Variants in ITGB3BP observed in about 807,000 individuals in gnomAD.
The protein encoded by ITGB3BP is centromere protein R.
Under a neutral mutation model 29.1 loss-of-function variants are expected in ITGB3BP, and 27 were observed. The ratio of observed to expected loss-of-function variants is 0.93; its 90% confidence interval spans 0.68 to 1.28. The LOEUF (loss-of-function observed/expected upper bound fraction) is 1.28, where lower values mean the gene tolerates loss of function less well. ITGB3BP is among the 50% of genes most tolerant of loss of function. ITGB3BP has a pLI of 0.00. For synonymous variants in ITGB3BP, 61 were observed against 61.4 expected, an observed-to-expected ratio of 0.99 and a Z score of 0.03; for missense variants, 192 against 200.2, an observed-to-expected ratio of 0.96 and a Z score of 0.25.
intron 8 of ITGB3BP, among the ~76,000 whole-genome samples, chr1:63,442,115 A>G (rs1035960685): frequency 6.6e-6 from 1 of 152,102 alleles, no homozygotes; most frequent in Non-Finnish European, 1.5e-5. Context: ...ACAAACAGAT[A>G]ATCCCATCCT....
Position 63,512,642 on chromosome 1 carries a change from A to G in ITGB3BP, c.6-4072T>C, listed in dbSNP as rs184948738. Among the ~76,000 whole-genome samples, 165 of 152,304 alleles carry G rather than the reference A, an allele frequency of 1.1e-3. 1 individual carries two copies. Among genetic ancestry groups the G allele is most frequent in the African/African-American group, 3.8e-3 (157 of 41,590 alleles). Reference sequence around the variant, plus strand: ...ATTCTTCCCTAAGGTTGGGCAAATCACATAATCTCACTAAGCTTCATAAAG... The same window carrying G: ...ATTCTTCCCTAAGGTTGGGCAAATCGCATAATCTCACTAAGCTTCATAAAG... On this transcript the variant is annotated intron_variant, in intron 1 of 8. Transcript: ENST00000271002.
chr1:63,502,273 C>A (rs192463122), intron 2 of ITGB3BP, among the ~76,000 whole-genome samples: 3 of 152,222 alleles, frequency 2.0e-5, no homozygotes, highest in Non-Finnish European at 4.4e-5. Flanking sequence ...CTTACAACAC[C>A]CAACAATTTG....
At chr1:63,475,795 C>G (rs1485840018) in intron 4 of ITGB3BP, among the ~76,000 whole-genome samples, 1 of 151,676 alleles carries the variant, frequency 6.6e-6, no homozygotes, top group African/African-American at 2.4e-5. Context: ...GTCAGGAGTT[C>G]GAGACTAGTC....
chr1:63,528,422 T>C (rs1369408159), intron 2 of ITGB3BP, among the ~76,000 whole-genome samples: 1 of 152,030 alleles, frequency 6.6e-6, no homozygotes, highest in Non-Finnish European at 1.5e-5. Context: ...AAATGATGGT[T>C]ACCAGAGGCT....
At chr1:63,501,700 T>C (rs935755384) in intron 2 of ITGB3BP, among the ~76,000 whole-genome samples, 3 of 150,866 alleles carry the variant, frequency 2.0e-5, no homozygotes, top group Non-Finnish European at 3.0e-5. Context: ...AAAAAAAAAA[T>C]AGATACAAAA....
At chr1:63,478,364 G>C (rs1285255350) in intron 4 of ITGB3BP, among the ~76,000 whole-genome samples, 2 of 152,190 alleles carry the variant, frequency 1.3e-5, no homozygotes, top group Admixed American at 1.3e-4. Context: ...AGGCCTTCCA[G>C]GTTCCTCTAG....
At chr1:63,509,983 A>G (rs545737196) in intron 1 of ITGB3BP, 100 of 428,662 alleles carry the variant, frequency 2.3e-4, no homozygotes, top group African/African-American at 1.9e-3. Flanking sequence ...ACCTGACGTC[A>G]GGAGTTCGAG....
upstream of ITGB3BP, chr1:63,523,231 G>A: frequency 6.4e-7 from 1 of 1,553,342 alleles, no homozygotes; most frequent in Non-Finnish European, 8.9e-7. Context: ...GGCATGAAAA[G>A]CGCGCGCTGG....
chr1:63,467,537 A>C lies in ITGB3BP; in HGVS notation c.254+11227T>G, dbSNP rs1479488388. 2.0e-5 allele frequency among the ~76,000 whole-genome samples: 3 copies of C among 151,430 alleles called. No homozygotes were observed. In the East Asian group the frequency reaches 5.9e-4, roughly 30 times the overall value. On this transcript the variant is annotated intron_variant, in intron 4 of 8. Transcript: ENST00000271002. ...TGCTTGCTTGCTGATTGATTGATTG[A>C]TTGATTGATTGAATGTAGAGATGGA...
intron 4 of ITGB3BP, among the ~76,000 whole-genome samples, chr1:63,461,475 G>A (rs1645018014): frequency 6.6e-6 from 1 of 151,996 alleles, no homozygotes; most frequent in African/African-American, 2.4e-5. Flanking sequence ...TTTTGATAAA[G>A]TCAAATTTAT....
At chr1:63,448,242 A>G (rs980456502) in intron 7 of ITGB3BP, among the ~76,000 whole-genome samples, 15 of 149,464 alleles carry the variant, frequency 1.0e-4, no homozygotes, top group African/African-American at 1.7e-4. Flanking sequence ...TGACGAGTTA[A>G]TGGGTGCAGC....
At chr1:63,501,862 G>GAA (rs137977362) in intron 2 of ITGB3BP, among the ~76,000 whole-genome samples, 3 of 131,820 alleles carry the variant, frequency 2.3e-5, no homozygotes, top group African/African-American at 2.8e-5. Flanking sequence ...GCCCTGTCTC[G>GAA]AAAAAAAAAA....
At chr1:63,511,313 T>C (rs1000161071) in intron 1 of ITGB3BP, among the ~76,000 whole-genome samples, 4 of 152,140 alleles carry the variant, frequency 2.6e-5, no homozygotes, top group African/African-American at 4.8e-5. Flanking sequence ...GGTGAGGATG[T>C]AGAGAAACTA....
At chr1:63,525,672 A>T (rs752540550), upstream of ITGB3BP, 2 of 1,601,670 alleles carry the variant, frequency 1.2e-6, no homozygotes, top group African/African-American at 2.7e-5. Context: ...TGAAGAGGAA[A>T]TATTTTATAT....
intron 1 of ITGB3BP, among the ~76,000 whole-genome samples, chr1:63,519,193 T>C (rs1307054022): frequency 6.6e-6 from 1 of 152,152 alleles, no homozygotes; most frequent in Non-Finnish European, 1.5e-5. Flanking sequence ...TAGTTGAAAA[T>C]GCATTTCACA....
At chr1:63,523,469 T>G, upstream of ITGB3BP, 1 of 400,888 alleles carries the variant, frequency 2.5e-6, no homozygotes, top group Admixed American at 4.0e-5. Flanking sequence ...CCTAGATTTC[T>G]AGCCGGATCG....
upstream of ITGB3BP, among the ~76,000 whole-genome samples, chr1:63,526,112 A>T (rs1474488502): frequency 6.6e-6 from 1 of 152,240 alleles, no homozygotes; most frequent in Non-Finnish European, 1.5e-5. Flanking sequence ...ATACTGAGGA[A>T]AGTGTAAAGG....
rs548035072 is a variant in ITGB3BP at position 63,448,218 on chromosome 1, T to C, written c.485-1362A>G. 9.0e-4 allele frequency among the ~76,000 whole-genome samples: 129 copies of C among 144,064 alleles called. 1 individual carries two copies. Among genetic ancestry groups the C allele is most frequent in the Non-Finnish European group, 4.1e-4 (27 of 65,900 alleles). The allele number at this position is 144,064 out of a possible 152,430, so 94.5% of individuals were successfully genotyped here. On this transcript the variant is annotated intron_variant, in intron 7 of 8. Transcript: ENST00000271002. ...GGGGGAGGGATAGCATTAGGAGATA[T>C]ACCTAATGCTAAATGACGAGTTAAT...
upstream of ITGB3BP, chr1:63,523,250 T>C: frequency 7.1e-7 from 1 of 1,401,378 alleles, no homozygotes; most frequent in Non-Finnish European, 1.0e-6. Context: ...GGACGTTGCG[T>C]CAAGCCCACC....
Sources: gnomAD v4.1 joint callset for allele counts (sites outside exome capture counted in the v4.1 genomes callset) on GRCh38, gnomAD v4.1.1 for gene constraint, MANE v1.5 for transcripts, NCBI Gene and HGNC (gene_info 2026-07-23, HGNC 2026-07-21) for gene names.